TMTC2: variants seen among roughly 807,000 people sequenced by gnomAD.
TMTC2 encodes transmembrane O-mannosyltransferase targeting cadherins 2, also known as protein O-mannosyl-transferase TMTC2.
In TMTC2, 43 loss-of-function variants were observed where a neutral mutation model predicts 82.4. The ratio of observed to expected loss-of-function variants is 0.52; its 90% CI spans 0.41 to 0.67. TMTC2 has a LOEUF of 0.67. Ranked by LOEUF, TMTC2 falls within the 30% of genes least tolerant of loss-of-function variation. The pLI is 0.00. For synonymous variants in TMTC2, 408 were observed against 381.9 expected (o/e 1.07, Z -0.80); for missense variants, 919 against 1,012.4 (o/e 0.91, Z 1.25).
chr12:82,917,835 C>A lies in TMTC2; in HGVS notation c.1484-12596C>A, dbSNP rs540033764. Among the ~76,000 whole-genome samples, 3 of 151,666 alleles carry A rather than the reference C, an allele frequency of 2.0e-5. No homozygotes were observed. The South Asian group carries it at 6.2e-4, about 31-fold the overall frequency. ...GCCAGGATGGTCTTGATCTCCTGAC[C>A]TCGTGATCCACCCGCCTTGGCCTCC... is the stretch of plus-strand genomic sequence containing the variant. On this transcript the variant is annotated intron_variant, in intron 3 of 11. Transcript: ENST00000321196.
intron 1 of TMTC2, among the ~76,000 whole-genome samples, chr12:82,823,258 C>T (rs1869219357): frequency 6.6e-6 from 1 of 152,174 alleles, no homozygotes; most frequent in Non-Finnish European, 1.5e-5. Flanking sequence ...GATTTATCCT[C>T]TCACAGAACT....
intron 8 of TMTC2, among the ~76,000 whole-genome samples, chr12:83,024,750 G>T (rs1268906992): frequency 6.6e-6 from 1 of 152,140 alleles, no homozygotes; most frequent in Non-Finnish European, 1.5e-5. Flanking sequence ...TAGTTCAGAA[G>T]AACTATTTTT....
intron 1 of TMTC2, among the ~76,000 whole-genome samples, chr12:82,834,424 C>T (rs1013515865): frequency 2.6e-5 from 4 of 152,304 alleles, no homozygotes; most frequent in African/African-American, 7.2e-5. Flanking sequence ...CGCTAAGTTC[C>T]GACTTGGCAG....
chr12:82,922,735 T>G (rs1875469402), intron 3 of TMTC2, among the ~76,000 whole-genome samples: 1 of 152,208 alleles, frequency 6.6e-6, no homozygotes, highest in Non-Finnish European at 1.5e-5. Context: ...AGTGATATTT[T>G]GGGCATGAAT....
At position 82,879,592 on chromosome 12, in the gene TMTC2, G is replaced by A. The variant is rs11115470; in HGVS notation, c.655-16226G>A. ...GTTCGTGGCCCAGGATTTGGAGACC[G>A]CAGGTTTACAGCATAGAACCCTGGA... On this transcript the variant is annotated intron_variant, in intron 2 of 11. Coordinates refer to ENST00000321196, the MANE Select transcript of TMTC2 (RefSeq NM_152588.3). Among the ~76,000 whole-genome samples the A allele has an allele frequency of 5.8e-3, 884 of 152,278 alleles. 15 individuals are homozygous for A. The highest frequency in any genetic ancestry group is 0.02 in the African/African-American group (835 of 41,558).
At chr12:82,708,792 T>A (rs1873491651) in intron 1 of TMTC2, among the ~76,000 whole-genome samples, 1 of 152,240 alleles carries the variant, frequency 6.6e-6, no homozygotes, top group South Asian at 2.1e-4. Context: ...TGTTACATTG[T>A]TTCAGGCTGT....
chr12:82,816,046 G>A (rs1363949215), intron 1 of TMTC2, among the ~76,000 whole-genome samples: 2 of 151,770 alleles, frequency 1.3e-5, no homozygotes, highest in South Asian at 2.1e-4. Flanking sequence ...TATAGTAGTG[G>A]GTATGTATTA....
chr12:83,025,511 C>T lies in TMTC2; in HGVS notation c.2071-5287C>T, dbSNP rs181983592. ...GACACAAGTGTCATTGCGGGAATTCCGCACAAACCAATCATCAAAGTTACC... is the reference window on the plus strand; with the variant it reads ...GACACAAGTGTCATTGCGGGAATTCTGCACAAACCAATCATCAAAGTTACC... On this transcript the variant is annotated intron_variant, in intron 8 of 11. Coordinates refer to ENST00000321196, the MANE Select transcript of TMTC2 (RefSeq NM_152588.3). Among the ~76,000 whole-genome samples, 595 of 152,070 alleles carry T rather than the reference C, an allele frequency of 3.9e-3. 4 individuals carry two copies. Among genetic ancestry groups the T allele is most frequent in the African/African-American group, 0.014 (570 of 41,492 alleles).
At chr12:82,806,534 C>T (rs548725598) in intron 1 of TMTC2, among the ~76,000 whole-genome samples, 34 of 152,216 alleles carry the variant, frequency 2.2e-4, no homozygotes, top group East Asian at 9.6e-4. Context: ...CACCAAGCTC[C>T]GTGCAGTCGA....
chr12:82,811,308 T>C (rs1485993693), intron 1 of TMTC2, among the ~76,000 whole-genome samples: 1 of 152,146 alleles, frequency 6.6e-6, no homozygotes, highest in East Asian at 1.9e-4. Context: ...GAAAACGTAC[T>C]AATACAAGCA....
chr12:82,739,329 C>T (rs1875282006), intron 1 of TMTC2, among the ~76,000 whole-genome samples: 1 of 151,918 alleles, frequency 6.6e-6, no homozygotes. Context: ...TCAGATTTTC[C>T]AGCATCTTTG....
intron 2 of TMTC2, among the ~76,000 whole-genome samples, chr12:82,866,799 C>G (rs939563903): frequency 6.6e-6 from 1 of 152,174 alleles, no homozygotes; most frequent in East Asian, 1.9e-4. Context: ...GTTGATTTAT[C>G]GAATGAAATT....
At chr12:82,962,834 G>A (rs949579354) in intron 4 of TMTC2, among the ~76,000 whole-genome samples, 11 of 151,922 alleles carry the variant, frequency 7.2e-5, no homozygotes, top group African/African-American at 2.7e-4. Flanking sequence ...CTAGAGACAA[G>A]TACAAAATCC....
intron 1 of TMTC2, among the ~76,000 whole-genome samples, chr12:82,693,837 G>A (rs888260039): frequency 4.6e-5 from 7 of 151,934 alleles, no homozygotes; most frequent in East Asian, 1.9e-4. Context: ...GCATGGTGGC[G>A]GGTGCCTGTA....
chr12:82,996,987 G>C, intron 8 of TMTC2, among the ~76,000 whole-genome samples: 1 of 151,932 alleles, frequency 6.6e-6, no homozygotes, highest in East Asian at 1.9e-4. Context: ...CAGAAGTAAA[G>C]GATTAAGTTT....
chr12:82,761,781 C>T (rs889339200), intron 1 of TMTC2, among the ~76,000 whole-genome samples: 5 of 152,146 alleles, frequency 3.3e-5, no homozygotes, highest in Non-Finnish European at 5.9e-5. Flanking sequence ...AACCCAGCAA[C>T]AACTTTAAAC....
chr12:82,729,971 TCTGCAGCTTCACTC>T (rs1295881104), intron 1 of TMTC2, among the ~76,000 whole-genome samples: 4 of 151,810 alleles, frequency 2.6e-5, no homozygotes. Context: ...ATCGGGAAGG[TCTGCAGCTTCACTC>T]CTGAGCCAGC....
chr12:83,016,282 A>G (rs139393548), intron 8 of TMTC2, among the ~76,000 whole-genome samples: 295 of 152,292 alleles, frequency 1.9e-3, no homozygotes, highest in African/African-American at 6.3e-3. Context: ...TCTAAAGAGA[A>G]ATTTTAAGCC....
chr12:83,118,653 G>T (rs1033761738), intron 11 of TMTC2, among the ~76,000 whole-genome samples: 5 of 151,980 alleles, frequency 3.3e-5, no homozygotes, highest in Non-Finnish European at 5.9e-5. Context: ...ATATCCTTTC[G>T]TGGTTTTGGT....
Sources: allele counts gnomAD v4.1 joint callset (sites outside exome capture counted in the v4.1 genomes callset), GRCh38; gene constraint gnomAD v4.1.1; transcripts MANE v1.5; gene names NCBI Gene and HGNC (gene_info 2026-07-23, HGNC 2026-07-21).